Variants in PTPRD observed in about 807,000 individuals in gnomAD.
PTPRD encodes the protein protein tyrosine phosphatase receptor type D.
A neutral mutation model predicts 214.5 loss-of-function variants in PTPRD; 34 were observed. The observed-to-expected ratio is 0.16, with a 90% CI of 0.12 to 0.21. The LOEUF is 0.21. Among genes scored for constraint, PTPRD ranks in the 10% least tolerant of loss-of-function variants. The pLI is 1.00. For synonymous variants in PTPRD, 1,128 were observed against 845.7 expected, an observed-to-expected ratio of 1.33 and a Z score of -5.79; for missense variants, 2,545 against 2,398.7, an observed-to-expected ratio of 1.06 and a Z score of -1.27.
In PTPRD at chr9:10,277,947, G is replaced by A. The variant is rs564469598; in HGVS notation, c.-545+63016C>T. ...GGTGAGGCGGGCGGATCATGAGGTC[G>A]GGAGATCGAGACCATCGTGGCTAAC... On this transcript the variant is annotated intron_variant, in intron 3 of 45. Coordinates refer to ENST00000381196, the MANE Select transcript of PTPRD (RefSeq NM_002839.4). 2.4e-4 allele frequency among the ~76,000 whole-genome samples: 36 copies of A among 152,034 alleles called. No homozygotes were observed. In the South Asian group the frequency reaches 6.2e-3, roughly 26 times the overall value.
chr9:8,702,692 C>A (rs886186203), intron 12 of PTPRD, among the ~76,000 whole-genome samples: 1 of 152,210 alleles, frequency 6.6e-6, no homozygotes, highest in Non-Finnish European at 1.5e-5. Flanking sequence ...CGGCTCACTG[C>A]AACCTCCCGT....
At chr9:8,930,812 G>C (rs1417562958) in intron 11 of PTPRD, among the ~76,000 whole-genome samples, 1 of 151,972 alleles carries the variant, frequency 6.6e-6, no homozygotes, top group African/African-American at 2.4e-5. Flanking sequence ...GGGGTTGTTT[G>C]TTTTTTTCTT....
At chr9:9,370,548 C>T (rs1042560700) in intron 9 of PTPRD, among the ~76,000 whole-genome samples, 1 of 151,628 alleles carries the variant, frequency 6.6e-6, no homozygotes, top group Non-Finnish European at 1.5e-5. Flanking sequence ...ACAATCATGT[C>T]ATCTGCAAAC....
At chr9:10,162,218 G>A (rs1414968432) in intron 3 of PTPRD, among the ~76,000 whole-genome samples, 2 of 151,292 alleles carry the variant, frequency 1.3e-5, no homozygotes, top group Non-Finnish European at 3.0e-5. Context: ...AAAAAATAAT[G>A]AGTAAATCAA....
At chr9:9,732,828 C>A (rs943665485) in intron 7 of PTPRD, among the ~76,000 whole-genome samples, 2 of 151,812 alleles carry the variant, frequency 1.3e-5, no homozygotes, top group African/African-American at 4.8e-5. Context: ...GTGGCTCTGT[C>A]GTCTCAGCGA....
chr9:10,540,322 C>A (rs2058815042), intron 2 of PTPRD, among the ~76,000 whole-genome samples: 2 of 152,182 alleles, frequency 1.3e-5, no homozygotes. Flanking sequence ...GCCACCGGAC[C>A]CGGGCATATT....
chr9:8,577,574 G>C (rs1352964168), intron 14 of PTPRD, among the ~76,000 whole-genome samples: 5 of 152,078 alleles, frequency 3.3e-5, no homozygotes, highest in Non-Finnish European at 7.4e-5. Context: ...CTCTTGTTAA[G>C]GATCTCTCTC....
chr9:10,004,626 C>T (rs1218922815), intron 4 of PTPRD, among the ~76,000 whole-genome samples: 2 of 151,720 alleles, frequency 1.3e-5, no homozygotes, highest in African/African-American at 4.8e-5. Flanking sequence ...TACATTTTAA[C>T]ACACACACAC....
At chr9:8,722,814 A>G (rs1330293523) in intron 12 of PTPRD, among the ~76,000 whole-genome samples, 1 of 152,246 alleles carries the variant, frequency 6.6e-6, no homozygotes, top group African/African-American at 2.4e-5. Flanking sequence ...AAAGAAAAAT[A>G]AAACTGACCA....
chr9:8,882,615 T>C (rs1352457142), intron 11 of PTPRD, among the ~76,000 whole-genome samples: 1 of 152,122 alleles, frequency 6.6e-6, no homozygotes, highest in Non-Finnish European at 1.5e-5. Flanking sequence ...CCATGTGTGG[T>C]GGCTCATGCC....
intron 2 of PTPRD, among the ~76,000 whole-genome samples, chr9:10,612,104 C>A (rs2081159594): frequency 6.7e-6 from 1 of 148,676 alleles, no homozygotes; most frequent in Non-Finnish European, 1.5e-5. Flanking sequence ...CAATGTTTAA[C>A]AAAGCAGGCT....
intron 11 of PTPRD, among the ~76,000 whole-genome samples, chr9:8,791,111 A>G (rs1280346411): frequency 6.6e-6 from 1 of 152,246 alleles, no homozygotes; most frequent in Non-Finnish European, 1.5e-5. Context: ...AAGGCAGAAG[A>G]AAGTAGAATC....
At chr9:8,542,048 C>G (rs2140243020) in intron 14 of PTPRD, among the ~76,000 whole-genome samples, 1 of 152,160 alleles carries the variant, frequency 6.6e-6, no homozygotes, top group Non-Finnish European at 1.5e-5. Context: ...CACATAAATT[C>G]TAAAACCTTG....
At chr9:10,024,182 C>T (rs1351602964) in intron 4 of PTPRD, among the ~76,000 whole-genome samples, 1 of 151,990 alleles carries the variant, frequency 6.6e-6, no homozygotes, top group Admixed American at 6.6e-5. Flanking sequence ...TTATGATAAG[C>T]ATTTTTATCC....
intron 3 of PTPRD, among the ~76,000 whole-genome samples, chr9:10,303,252 A>T (rs777108863): frequency 8.5e-5 from 13 of 152,228 alleles, no homozygotes; most frequent in Non-Finnish European, 1.8e-4. Context: ...TCTGGGACAC[A>T]TTTAAAGCAG....
intron 9 of PTPRD, among the ~76,000 whole-genome samples, chr9:9,251,985 C>T (rs2099975647): frequency 6.6e-6 from 1 of 152,036 alleles, no homozygotes; most frequent in South Asian, 2.1e-4. Flanking sequence ...GTCTTTACAA[C>T]CTATATACAA....
intron 6 of PTPRD, among the ~76,000 whole-genome samples, chr9:9,748,504 AAAC>A (rs1310629956): frequency 6.6e-6 from 1 of 152,238 alleles, no homozygotes; most frequent in African/African-American, 2.4e-5. Flanking sequence ...ACAGAAAAAT[AAAC>A]AACACATCGT....
In PTPRD at chr9:9,710,622, GA is replaced by G. The variant is rs1210935176; in HGVS notation, c.-287+23910del. On this transcript the variant is annotated intron_variant, in intron 7 of 45. Coordinates refer to ENST00000381196, the MANE Select transcript of PTPRD (RefSeq NM_002839.4). ...CTATTCTGTTTTTTTTTTAATTTAG[GA>G]GATTCATAAGATAATTAGAAAATTT... Among the ~76,000 whole-genome samples, 26 of 151,334 alleles carry G rather than the reference GA, an allele frequency of 1.7e-4. No individual in the cohort carries two copies. In the Middle Eastern group the frequency reaches 0.01, roughly 60 times the overall value.
At chr9:8,806,819 C>CA (rs1477270268) in intron 11 of PTPRD, among the ~76,000 whole-genome samples, 1 of 152,120 alleles carries the variant, frequency 6.6e-6, no homozygotes, top group African/African-American at 2.4e-5. Flanking sequence ...ATTAAGTACT[C>CA]AAACACACTC....
Sources: gnomAD v4.1 joint callset for allele counts (sites outside exome capture counted in the v4.1 genomes callset) on GRCh38, gnomAD v4.1.1 for gene constraint, MANE v1.5 for transcripts, NCBI Gene and HGNC (gene_info 2026-07-23, HGNC 2026-07-21) for gene names.